The following GRM4 variants were observed in gnomAD, a reference collection of about 807,000 sequenced individuals.
GRM4 encodes the protein glutamate metabotropic receptor 4.
A neutral mutation model predicts 81.7 loss-of-function variants in GRM4; 28 were observed. The observed-to-expected ratio is 0.34, with a 90% CI of 0.25 to 0.47. The LOEUF is 0.47. Ranked by LOEUF, GRM4 falls within the 20% of genes least tolerant of loss-of-function variation. GRM4 has a pLI of 1.00. For missense variants in GRM4, 948 were observed against 1,290.0 expected (o/e 0.73, Z 4.06); for synonymous variants, 488 against 528.8 (o/e 0.92, Z 1.06).
At position 34,064,367 on chromosome 6, in the gene GRM4, G is replaced by T. The variant is rs563323399; in HGVS notation, c.737-2339C>A. 6.6e-6 allele frequency among the ~76,000 whole-genome samples: 1 copy of T among 152,340 alleles called. No homozygotes were observed. The highest frequency in any genetic ancestry group is 2.1e-4 in the South Asian group (1 of 4,826). ...AATGAAGAAATTGAGGCACAGAGAG[G>T]TTAAGTAGCTTCCCCAGGATCACAA... is the stretch of plus-strand genomic sequence containing the variant. On this transcript the variant is annotated intron_variant, in intron 3 of 10. Coordinates refer to ENST00000538487, the MANE Select transcript of GRM4 (RefSeq NM_000841.4). The surrounding 1 kb of genome is among the most constrained non-coding windows in gnomAD (Gnocchi z 4.4).
intron 10 of GRM4, among the ~76,000 whole-genome samples, chr6:34,023,409 G>T (rs1374074127): frequency 6.6e-6 from 1 of 152,246 alleles, no homozygotes; most frequent in Non-Finnish European, 1.5e-5. Flanking sequence ...CCTAAGGGAA[G>T]AGAGTGGGGA....
chr6:34,099,501 A>T (rs960517971), intron 2 of GRM4, among the ~76,000 whole-genome samples: 1 of 151,474 alleles, frequency 6.6e-6, no homozygotes, highest in African/African-American at 2.4e-5. Context: ...CCACAGAGAG[A>T]GTGGGGACTA....
At position 34,121,656 on chromosome 6, in the gene GRM4, C is replaced by A. The variant is rs1378769409; in HGVS notation, c.519+11322G>T. ...CAGGGCACCTCTGCTGGGCCAGGGC[C>A]AGGGCTGAGCAGAGCATCCCTCCTC... On this transcript the variant is annotated intron_variant, in intron 2 of 10. Coordinates refer to ENST00000538487, the MANE Select transcript of GRM4 (RefSeq NM_000841.4). This position sits in a 1 kb window ranked among gnomAD's most constrained non-coding sequence, Gnocchi z 4.6. Among the ~76,000 whole-genome samples, 1 of 152,188 alleles carries A rather than the reference C, an allele frequency of 6.6e-6. No individual in the cohort carries two copies. Among genetic ancestry groups the A allele is most frequent in the East Asian group, 1.9e-4 (1 of 5,186 alleles).
In GRM4 at chr6:34,036,600, C is replaced by G. The variant is rs1402279375; in HGVS notation, c.1510G>C (p.Glu504Gln). Residue 504 changes from glutamate to glutamine, a missense_variant, in exon 9 of 11, where the codon GAG becomes CAG. By Grantham distance (29) the Glu-to-Gln change is conservative. Coordinates refer to ENST00000538487, the MANE Select transcript of GRM4 (RefSeq NM_000841.4). The surrounding 1 kb of genome is among the most constrained non-coding windows in gnomAD (Gnocchi z 9.0). ...CCGCTCCCCGGCCAGTGCATCCGCT[C>G]TATCTGGCAATGACAGCACCGTAAA... ...SWTDHLHLRI[E>Q]RMHWPGSGQQ... is the part of the protein sequence containing the mutation. 1.9e-6 allele frequency: 3 copies of G among 1,550,550 alleles called. No individual in the cohort carries two copies. The highest frequency in any genetic ancestry group is 2.6e-6 in the Non-Finnish European group (3 of 1,139,918).
chr6:34,154,590 TACAC>T (rs57603011), intron 1 of GRM4, among the ~76,000 whole-genome samples: 2,586 of 145,054 alleles, frequency 0.018, 45 homozygotes, highest in Middle Eastern at 0.046. Flanking sequence ...TGGTCCTGAC[TACAC>T]ACACACACAC....
At chr6:34,120,526 C>G (rs1028350307) in intron 2 of GRM4, among the ~76,000 whole-genome samples, 6 of 152,184 alleles carry the variant, frequency 3.9e-5, no homozygotes, top group Admixed American at 2.0e-4. Flanking sequence ...AAAGTACTTA[C>G]AAGGCACTTA....
chr6:34,150,128 T>G (rs1771015993), upstream of GRM4, among the ~76,000 whole-genome samples: 2 of 152,080 alleles, frequency 1.3e-5, no homozygotes, highest in African/African-American at 4.8e-5. Flanking sequence ...ATCATCCCAT[T>G]TGGACTAAGG....
rs1233248413 is a variant in GRM4, at chr6:34,059,803, G to A, written c.873-675C>T. ...GGACCCAAGAGCCCAGCCCGGGGCT[G>A]AGGAGCCCACAGCAAGCGCTCAGCC... is the stretch of plus-strand genomic sequence containing the variant. On this transcript the variant is annotated intron_variant, in intron 4 of 10. Coordinates refer to ENST00000538487, the MANE Select transcript of GRM4 (RefSeq NM_000841.4). This position sits in a 1 kb window ranked among gnomAD's most constrained non-coding sequence, Gnocchi z 5.7. 2 of 152,396 alleles carry A rather than the reference G, an allele frequency of 1.3e-5. No individual in the cohort carries two copies. Among genetic ancestry groups the A allele is most frequent in the Non-Finnish European group, 2.9e-5 (2 of 68,200 alleles). The allele number at this position is 152,396 out of a possible 1,614,324, so 9.4% of individuals were successfully genotyped here.
In GRM4 at chr6:34,103,966, G is replaced by A. The variant is rs961415331; in HGVS notation, c.520-11867C>T. On this transcript the variant is annotated intron_variant, in intron 2 of 10. Coordinates refer to ENST00000538487, the MANE Select transcript of GRM4 (RefSeq NM_000841.4). Reference sequence around the variant, plus strand: ...TCTCACACACAGGAGGTGCGACAGGGGCTCATGCACAGCCTCCCTTGGTAA... The same window carrying A: ...TCTCACACACAGGAGGTGCGACAGGAGCTCATGCACAGCCTCCCTTGGTAA... 13 of 672,350 alleles carry A rather than the reference G, an allele frequency of 1.9e-5. No homozygotes were observed. In the Admixed American group the frequency reaches 4.9e-4, roughly 25 times the overall value. The allele number at this position is 672,350 out of a possible 1,614,324, so 41.6% of individuals were successfully genotyped here.
In GRM4 at chr6:34,090,369, G is replaced by C. The variant is rs975047263; in HGVS notation, c.736+1514C>G. 6.6e-6 allele frequency among the ~76,000 whole-genome samples: 1 copy of C among 152,204 alleles called. No homozygotes were observed. The highest frequency in any genetic ancestry group is 2.4e-5 in the African/African-American group (1 of 41,454). On this transcript the variant is annotated intron_variant, in intron 3 of 10. Coordinates refer to ENST00000538487, the MANE Select transcript of GRM4 (RefSeq NM_000841.4). The surrounding 1 kb of genome is among the most constrained non-coding windows in gnomAD (Gnocchi z 5.2). Reference sequence around the variant, plus strand: ...CCACAGAGGAGGAAAGGAGCCAGCAGAGCAGAGTGGGAGGTGCTGTCCAGA... The same window carrying C: ...CCACAGAGGAGGAAAGGAGCCAGCACAGCAGAGTGGGAGGTGCTGTCCAGA...
chr6:34,061,643 C>A, intron 4 of GRM4: 1 of 425,672 alleles, frequency 2.3e-6, no homozygotes, highest in Non-Finnish European at 4.2e-6. Context: ...TTAAAGCACC[C>A]AGGTAGCCAT....
In GRM4 at chr6:34,047,334, C is replaced by T. The variant is rs780049056; in HGVS notation, c.1169-6586G>A. ...CATGCGATGGGCGAGGGATGCCCAC[C>T]GCATAGACAGACCCAGACCTAGCCC... On this transcript the variant is annotated intron_variant, in intron 6 of 10. Coordinates refer to ENST00000538487, the MANE Select transcript of GRM4 (RefSeq NM_000841.4). This position sits in a 1 kb window ranked among gnomAD's most constrained non-coding sequence, Gnocchi z 4.5. Among the ~76,000 whole-genome samples the T allele has an allele frequency of 5.3e-5, 8 of 152,102 alleles. No individual in the cohort carries two copies. Among genetic ancestry groups the T allele is most frequent in the Non-Finnish European group, 1.2e-4 (8 of 68,022 alleles).
chr6:34,094,538 C>T (rs1320242818), intron 2 of GRM4, among the ~76,000 whole-genome samples: 1 of 152,210 alleles, frequency 6.6e-6, no homozygotes. Flanking sequence ...GTATTAGAGT[C>T]ATGGCTGGTT....
intron 3 of GRM4, among the ~76,000 whole-genome samples, chr6:34,066,930 G>C (rs1766496086): frequency 6.6e-6 from 1 of 152,058 alleles, no homozygotes; most frequent in Non-Finnish European, 1.5e-5. Flanking sequence ...CTGTGAAATG[G>C]GCTGCATAGC....
intron 1 of GRM4, 36 bp downstream of exon 1, chr6:34,145,964 C>T (rs891089982): frequency 2.0e-6 from 2 of 982,968 alleles, no homozygotes; most frequent in African/African-American, 3.5e-5. Context: ...GAAGCCCCCC[C>T]CTTCCTCCTC....
At position 34,123,812 on chromosome 6, in the gene GRM4, C is replaced by T. The variant is rs558004819; in HGVS notation, c.519+9166G>A. 4.2e-3 allele frequency among the ~76,000 whole-genome samples: 644 copies of T among 152,330 alleles called. 4 individuals are homozygous for T. The highest frequency in any genetic ancestry group is 0.014 in the African/African-American group (584 of 41,570). On this transcript the variant is annotated intron_variant, in intron 2 of 10. Transcript: ENST00000538487. The stretch of plus-strand genomic sequence containing the variant: ...AGGCCAGCTGGCCCCAGGGTCCATG[C>T]GGCAGCCACCACATTACTGCCCCTC...
rs1465190091 is a variant in GRM4, at chr6:34,020,205, CACTGGCAGGGGACT to C, written c.*2602_*2615del. On this transcript the variant is annotated 3_prime_UTR_variant, in exon 11 of 11. Coordinates refer to ENST00000538487, the MANE Select transcript of GRM4 (RefSeq NM_000841.4). ...CCCTGAGGGCAGGGCTATTTCTTCC[CACTGGCAGGGGACT>C]GGTAGTCCCTGAGGGCCCCTCCTGA... The C allele has an allele frequency of 1.3e-5, 2 of 152,290 alleles. No individual in the cohort carries two copies. The highest frequency in any genetic ancestry group is 3.9e-4 in the East Asian group (2 of 5,180). 9.4% of individuals were successfully genotyped at this position (152,290 alleles called of 1,614,324 possible). A position where few individuals can be genotyped will look rare whatever the true frequency, so the allele number is the denominator to read the frequency against.
At chr6:34,044,954 A>G (rs577271628) in intron 6 of GRM4, among the ~76,000 whole-genome samples, 2 of 152,138 alleles carry the variant, frequency 1.3e-5, no homozygotes, top group African/African-American at 4.8e-5. Flanking sequence ...AGACATACAT[A>G]CACATATATA....
At chr6:34,128,685 A>T (rs1770121989) in intron 2 of GRM4, among the ~76,000 whole-genome samples, 1 of 151,884 alleles carries the variant, frequency 6.6e-6, no homozygotes, top group African/African-American at 2.4e-5. Flanking sequence ...GCTGGACCTT[A>T]ATTTTTAATC....
Sources: allele counts gnomAD v4.1 joint callset (sites outside exome capture counted in the v4.1 genomes callset), GRCh38; gene constraint gnomAD v4.1.1; non-coding constraint Gnocchi (gnomAD v3.1); transcripts MANE v1.5; gene names NCBI Gene and HGNC (gene_info 2026-07-23, HGNC 2026-07-21).